The following CTTNBP2 variants were observed in gnomAD, a reference collection of about 807,000 sequenced individuals.
The protein encoded by CTTNBP2 is cortactin binding protein 2, also known as cortactin-binding protein 2.
In CTTNBP2, 108 loss-of-function variants were observed where a neutral mutation model predicts 156.9. That is an observed-to-expected ratio of 0.69 (90% CI 0.59 to 0.81). The LOEUF (loss-of-function observed/expected upper bound fraction) is 0.81, where lower values mean the gene tolerates loss of function less well. Ranked by LOEUF, CTTNBP2 falls within the 30% of genes least tolerant of loss-of-function variation. The pLI is 0.00. For synonymous variants in CTTNBP2, 767 were observed against 751.8 expected (o/e 1.02, Z -0.33); for missense variants, 1,924 against 2,035.4 (o/e 0.95, Z 1.05).
At chr7:117,756,286 G>T (rs1172516475) in intron 12 of CTTNBP2, among the ~76,000 whole-genome samples, 1 of 152,056 alleles carries the variant, frequency 6.6e-6, no homozygotes, top group African/African-American at 2.4e-5. Flanking sequence ...CCTTGTTAAA[G>T]GAAGACATCC....
In CTTNBP2 at chr7:117,772,830, C is replaced by T. The variant is rs569452061; in HGVS notation, c.2778+4681G>A. 3.3e-5 allele frequency among the ~76,000 whole-genome samples: 5 copies of T among 152,142 alleles called. No individual in the cohort carries two copies. The East Asian group carries it at 5.8e-4, about 18-fold the overall frequency. On this transcript the variant is annotated intron_variant, in intron 8 of 22. Transcript: ENST00000160373. ...AACCCAGATCCATGAAAGGTGTTGG[C>T]GGGAAACACTGGATGGCCCATGTCT...
At chr7:117,754,102 G>A (rs1166164686) in intron 12 of CTTNBP2, among the ~76,000 whole-genome samples, 2 of 152,090 alleles carry the variant, frequency 1.3e-5, no homozygotes, top group African/African-American at 2.4e-5. Context: ...CCATATTCCT[G>A]CATGATCTAG....
intron 2 of CTTNBP2, among the ~76,000 whole-genome samples, chr7:117,817,328 C>T (rs1253394234): frequency 2.5e-5 from 1 of 40,286 alleles, no homozygotes; most frequent in African/African-American, 8.6e-5. Context: ...AGCAAGACTC[C>T]ATCTCAAAAA....
In CTTNBP2 at chr7:117,792,230, C is replaced by A. The variant is rs181262746; in HGVS notation, c.966G>T (p.Leu322Phe). ...AAGGTTTTACAGGCATGGTTAAAGG[C>A]AACTTTTTCATGTGGTCAGCATTTT... ...VTENADHMKK[L>F]PLTMPVKPST... Residue 322 changes from leucine to phenylalanine, a missense_variant, in exon 4 of 23, where the codon TTG (leucine) becomes TTT (phenylalanine). Coordinates refer to ENST00000160373, the MANE Select transcript of CTTNBP2 (RefSeq NM_033427.3). This position sits in a 1 kb window ranked among gnomAD's most constrained non-coding sequence, Gnocchi z 4.2. 6.2e-7 allele frequency: 1 copy of A among 1,614,188 alleles called. No individual in the cohort carries two copies. Among genetic ancestry groups the A allele is most frequent in the Admixed American group, 1.7e-5 (1 of 60,022 alleles).
intron 2 of CTTNBP2, among the ~76,000 whole-genome samples, chr7:117,843,077 TAAACACGTACA>T (rs1802370798): frequency 6.6e-6 from 1 of 152,232 alleles, no homozygotes. Context: ...TAATCTGTAC[TAAACACGTACA>T]AACTTCTTGT....
At chr7:117,871,391 C>G (rs1284140408) in intron 1 of CTTNBP2, among the ~76,000 whole-genome samples, 3 of 152,178 alleles carry the variant, frequency 2.0e-5, no homozygotes, top group Non-Finnish European at 4.4e-5. Context: ...GAAATTATTA[C>G]TGGTTTTTAA....
At position 117,791,272 on chromosome 7, in the gene CTTNBP2, C is replaced by A. The variant is rs1366446054; in HGVS notation, c.1924G>T (p.Ala642Ser). Reference sequence around the variant, plus strand: ...GCAGGTTGGTTCAGTCCGGGGGTTGCAGCAGGCCAGGCACCCACCTGAGAC... The same window carrying A: ...GCAGGTTGGTTCAGTCCGGGGGTTGAAGCAGGCCAGGCACCCACCTGAGAC... The part of the protein sequence containing the change: ...ATSQVGAWPA[A>S]TPGLNQPACS... The change falls in exon 4 of 23, where the codon GCA becomes TCA. Residue 642 changes from alanine (A) to serine (S), a missense_variant. Transcript: ENST00000160373. The A allele has an allele frequency of 6.2e-7, 1 of 1,614,138 alleles. No individual in the cohort carries two copies. The highest frequency in any genetic ancestry group is 1.1e-5 in the South Asian group (1 of 91,068).
intron 11 of CTTNBP2, among the ~76,000 whole-genome samples, chr7:117,757,275 G>T (rs1796933294): frequency 6.6e-6 from 1 of 152,102 alleles, no homozygotes; most frequent in Non-Finnish European, 1.5e-5. Context: ...AGCATCAAGG[G>T]CTGAGAAATT....
chr7:117,776,583 T>C (rs35024777), intron 8 of CTTNBP2, among the ~76,000 whole-genome samples: 1 of 152,166 alleles, frequency 6.6e-6, no homozygotes, highest in African/African-American at 2.4e-5. Flanking sequence ...TCCTTTCACC[T>C]GAACCACTCT....
At position 117,792,785 on chromosome 7, in the gene CTTNBP2, A is replaced by G; in HGVS notation, c.415-4T>C. 1 of 1,527,758 alleles carries G rather than the reference A, an allele frequency of 6.5e-7. No individual in the cohort carries two copies. Among genetic ancestry groups the G allele is most frequent in the Non-Finnish European group, 8.8e-7 (1 of 1,140,364 alleles). The allele number at this position is 1,527,758 out of a possible 1,614,324, so 94.6% of individuals were successfully genotyped here. A position where few individuals can be genotyped will look rare whatever the true frequency, so the allele number is the denominator to read the frequency against. On this transcript the variant is annotated splice_region_variant and splice_polypyrimidine_tract_variant and intron_variant, in intron 3 of 22. Coordinates refer to ENST00000160373, the MANE Select transcript of CTTNBP2 (RefSeq NM_033427.3). This position sits in a 1 kb window ranked among gnomAD's most constrained non-coding sequence, Gnocchi z 4.2. ...GCTGAAGCTTCTCCATTTCCAGCTG[A>G]AAGAAATTCACAGGAAAACCCTGAT...
rs116030043 is a variant in CTTNBP2, at chr7:117,724,536, C to T, written c.4447+11G>A. On this transcript the variant is annotated intron_variant, in intron 19 of 22. Coordinates refer to ENST00000160373, the MANE Select transcript of CTTNBP2 (RefSeq NM_033427.3). ...CTCCTGGTAGGCAACATGCCTACCCCCGCCCTTTACCTTCAGTGCTTAGGT... is the reference window on the plus strand; with the variant it reads ...CTCCTGGTAGGCAACATGCCTACCCTCGCCCTTTACCTTCAGTGCTTAGGT... The T allele has an allele frequency of 7.8e-4, 1,259 of 1,604,364 alleles. 12 individuals are homozygous for T. The African/African-American group carries it at 0.013, about 16-fold the overall frequency.
intron 2 of CTTNBP2, among the ~76,000 whole-genome samples, chr7:117,819,054 CTA>C (rs1800789165): frequency 6.6e-6 from 1 of 152,098 alleles, no homozygotes; most frequent in African/African-American, 2.4e-5. Flanking sequence ...CCCTGAAATT[CTA>C]TGACTCAAAA....
intron 2 of CTTNBP2, among the ~76,000 whole-genome samples, chr7:117,860,199 T>C (rs1803618440): frequency 6.6e-6 from 1 of 151,914 alleles, no homozygotes; most frequent in Non-Finnish European, 1.5e-5. Flanking sequence ...AATAACTAAT[T>C]ACAGACAAAG....
intron 2 of CTTNBP2, among the ~76,000 whole-genome samples, chr7:117,852,899 G>C (rs977744986): frequency 3.3e-5 from 5 of 152,112 alleles, no homozygotes; most frequent in African/African-American, 4.8e-5. Flanking sequence ...TGTTGCCTTT[G>C]GGGGAGAGAC....
At position 117,718,025 on chromosome 7, in the gene CTTNBP2, G is replaced by T; in HGVS notation, c.4739C>A (p.Ser1580Ter). Reference sequence around the variant, plus strand: ...GGAGAAAGGGACACTTACCTTTTGTGACACTGGCATTCTCAGATTATTAAT... The same window carrying T: ...GGAGAAAGGGACACTTACCTTTTGTTACACTGGCATTCTCAGATTATTAAT... ...ATINNLRMPV[S>*]QKEVSPLSSH... Residue 1580 changes from serine to a stop codon, truncating the protein, a stop_gained, in exon 22 of 23, where the codon TCA (serine) becomes TAA (stop). Coordinates refer to ENST00000160373, the MANE Select transcript of CTTNBP2 (RefSeq NM_033427.3). LOFTEE classifies it high-confidence loss of function. 6.3e-7 allele frequency: 1 copy of T among 1,599,778 alleles called. No homozygotes were observed. The highest frequency in any genetic ancestry group is 8.6e-7 in the Non-Finnish European group (1 of 1,167,016).
chr7:117,849,937 T>C (rs1011860799), intron 2 of CTTNBP2, among the ~76,000 whole-genome samples: 5 of 152,216 alleles, frequency 3.3e-5, no homozygotes, highest in African/African-American at 7.2e-5. Flanking sequence ...GGCACTTAGC[T>C]GTGTGACACA....
intron 2 of CTTNBP2, among the ~76,000 whole-genome samples, chr7:117,855,538 G>A (rs1313859987): frequency 6.6e-6 from 1 of 152,174 alleles, no homozygotes; most frequent in Non-Finnish European, 1.5e-5. Context: ...CACAACCAAA[G>A]AGTTGCTACT....
At chr7:117,744,762 T>A (rs978134648) in intron 14 of CTTNBP2, among the ~76,000 whole-genome samples, 1 of 152,056 alleles carries the variant, frequency 6.6e-6, no homozygotes, top group African/African-American at 2.4e-5. Context: ...CTGGAAGTGC[T>A]GGGGCGTGCC....
chr7:117,794,873 ATATCTT>A (rs1799225323), intron 3 of CTTNBP2, among the ~76,000 whole-genome samples: 2 of 125,946 alleles, frequency 1.6e-5, no homozygotes, highest in Non-Finnish European at 3.3e-5. Context: ...TTTTATATGT[ATATCTT>A]TTTTTTTTTT....
Sources: gnomAD v4.1 joint callset for allele counts (sites outside exome capture counted in the v4.1 genomes callset) on GRCh38, gnomAD v4.1.1 for gene constraint, Gnocchi (gnomAD v3.1) non-coding constraint, MANE v1.5 for transcripts, NCBI Gene and HGNC (gene_info 2026-07-23, HGNC 2026-07-21) for gene names.